The following DCC variants were observed in gnomAD, a reference collection of about 807,000 sequenced individuals.
DCC encodes netrin receptor DCC.
A neutral mutation model predicts 172.5 loss-of-function variants in DCC; 58 were observed. The ratio of observed to expected loss-of-function variants is 0.34; its 90% confidence interval spans 0.27 to 0.42. The LOEUF is 0.42. Among genes scored for constraint, DCC ranks in the 10% least tolerant of loss-of-function variants. The pLI is 1.00. For missense variants in DCC, 1,740 were observed against 1,791.0 expected (o/e 0.97, Z 0.51); for synonymous variants, 709 against 644.5 (o/e 1.10, Z -1.52).
rs546743058 is a variant in DCC, at chr18:53,385,778, C to A, written c.2360-265C>A. Among the ~76,000 whole-genome samples, 30 of 152,270 alleles carry A rather than the reference C, an allele frequency of 2.0e-4. No homozygotes were observed. The East Asian group carries it at 5.8e-3, about 29-fold the overall frequency. Reference sequence around the variant, plus strand: ...TATATTAGGGTTCGAGGGCACACATCATCACATAGGTTTGCAGCAAGCAGA... The same window carrying A: ...TATATTAGGGTTCGAGGGCACACATAATCACATAGGTTTGCAGCAAGCAGA... On this transcript the variant is annotated intron_variant, in intron 15 of 28. Transcript: ENST00000442544.
chr18:52,953,017 A>AC (rs1477173185), intron 5 of DCC, among the ~76,000 whole-genome samples: 3 of 150,918 alleles, frequency 2.0e-5, no homozygotes, highest in East Asian at 1.9e-4. Flanking sequence ...AAAAAAAAAA[A>AC]AAAAAAAAAA....
chr18:53,095,611 C>G (rs981365246), intron 7 of DCC, among the ~76,000 whole-genome samples: 42 of 152,108 alleles, frequency 2.8e-4, no homozygotes, highest in African/African-American at 1.0e-3. Context: ...AACTCCTGCT[C>G]CTCCTCCTAT....
intron 1 of DCC, among the ~76,000 whole-genome samples, chr18:52,580,213 C>T (rs1206584715): frequency 1.3e-5 from 2 of 152,128 alleles, no homozygotes; most frequent in South Asian, 2.1e-4. Context: ...TCAAGGATGA[C>T]CTTAAGGCCC....
At chr18:52,874,253 T>C (rs1048640007) in intron 2 of DCC, among the ~76,000 whole-genome samples, 7 of 152,186 alleles carry the variant, frequency 4.6e-5, no homozygotes, top group Non-Finnish European at 8.8e-5. Flanking sequence ...TATAAGCCAA[T>C]TACTTTTAAT....
Position 52,457,927 on chromosome 18 carries a change from A to G in DCC, c.91+117049A>G, listed in dbSNP as rs12232681. ...AGCAAGCAAGCAAACAAACAAACAAACAAACAAACAACAAACAGAAAGAAC... is the reference window on the plus strand; with the variant it reads ...AGCAAGCAAGCAAACAAACAAACAAGCAAACAAACAACAAACAGAAAGAAC... On this transcript the variant is annotated intron_variant, in intron 1 of 28. Coordinates refer to ENST00000442544, the MANE Select transcript of DCC (RefSeq NM_005215.4). Among the ~76,000 whole-genome samples the G allele has an allele frequency of 6.8e-4, 103 of 152,164 alleles. No homozygotes were observed. In the East Asian group the frequency reaches 0.019, roughly 27 times the overall value.
chr18:52,517,888 G>T (rs748617112), intron 1 of DCC, among the ~76,000 whole-genome samples: 5 of 152,120 alleles, frequency 3.3e-5, no homozygotes, highest in Non-Finnish European at 5.9e-5. Flanking sequence ...CATTGATTAT[G>T]CTTGTAGTTC....
chr18:53,277,791 T>C (rs895868043), intron 12 of DCC, among the ~76,000 whole-genome samples: 2 of 152,142 alleles, frequency 1.3e-5, no homozygotes, highest in African/African-American at 4.8e-5. Flanking sequence ...TACAGCCAGG[T>C]GAAACTCTGG....
intron 16 of DCC, among the ~76,000 whole-genome samples, chr18:53,386,627 A>G (rs1266180434): frequency 3.9e-5 from 6 of 152,120 alleles, no homozygotes; most frequent in Admixed American, 6.6e-5. Flanking sequence ...TGAGTGACAT[A>G]TGTGGTATCT....
chr18:52,714,409 G>C (rs1232377229), intron 1 of DCC, among the ~76,000 whole-genome samples: 3 of 152,180 alleles, frequency 2.0e-5, no homozygotes, highest in Non-Finnish European at 4.4e-5. Flanking sequence ...AAAGAATGAA[G>C]CAATTTATTT....
At chr18:53,020,084 C>T (rs774692920) in intron 5 of DCC, among the ~76,000 whole-genome samples, 7 of 152,116 alleles carry the variant, frequency 4.6e-5, no homozygotes, top group Non-Finnish European at 8.8e-5. Flanking sequence ...TTCAAAACTA[C>T]ATCTACAACC....
chr18:52,883,627 TTTG>T (rs2039527029), intron 2 of DCC, among the ~76,000 whole-genome samples: 1 of 152,038 alleles, frequency 6.6e-6, no homozygotes, highest in Admixed American at 6.6e-5. Context: ...TTTTTAATTT[TTTG>T]TTGTTTCTCT....
At chr18:53,190,358 C>T (rs2055347682) in intron 9 of DCC, among the ~76,000 whole-genome samples, 1 of 152,068 alleles carries the variant, frequency 6.6e-6, no homozygotes. Context: ...TGGCCCAACC[C>T]AACTCCTACA....
At chr18:52,866,678 C>A (rs955658988) in intron 2 of DCC, among the ~76,000 whole-genome samples, 3 of 152,072 alleles carry the variant, frequency 2.0e-5, no homozygotes, top group Admixed American at 2.0e-4. Context: ...CATGATTTGG[C>A]TCTTTGTCTA....
At chr18:53,260,887 C>T (rs2056589156) in intron 12 of DCC, among the ~76,000 whole-genome samples, 1 of 152,156 alleles carries the variant, frequency 6.6e-6, no homozygotes, top group Non-Finnish European at 1.5e-5. Context: ...TTTACCTACT[C>T]AAGCCTCAGC....
chr18:53,190,881 G>A (rs9944782), intron 9 of DCC, among the ~76,000 whole-genome samples: 6,659 of 152,234 alleles, frequency 0.044, 175 homozygotes, highest in East Asian at 0.11. Context: ...GGGAGGCGGA[G>A]CTTGCAGTGA....
intron 5 of DCC, among the ~76,000 whole-genome samples, chr18:52,977,821 C>A (rs1236625482): frequency 6.6e-6 from 1 of 150,534 alleles, no homozygotes; most frequent in African/African-American, 2.4e-5. Context: ...GGAGGCAGAG[C>A]TTGCAGTGAG....
chr18:53,090,482 A>G (rs981048483), intron 7 of DCC, among the ~76,000 whole-genome samples: 21 of 151,812 alleles, frequency 1.4e-4, no homozygotes, highest in African/African-American at 4.8e-4. Context: ...TCACGAGGTC[A>G]GGAGATTGAG....
At chr18:52,365,960 T>TGATC (rs1417504741) in intron 1 of DCC, among the ~76,000 whole-genome samples, 1 of 152,202 alleles carries the variant, frequency 6.6e-6, no homozygotes, top group African/African-American at 2.4e-5. Flanking sequence ...TCTTACCGCT[T>TGATC]GATCACACAC....
At chr18:52,660,990 A>C (rs1158048889) in intron 1 of DCC, among the ~76,000 whole-genome samples, 1 of 152,188 alleles carries the variant, frequency 6.6e-6, no homozygotes, top group African/African-American at 2.4e-5. Context: ...TATACCCTCG[A>C]TGCCAACAAG....
Sources: gnomAD v4.1 joint callset for allele counts (sites outside exome capture counted in the v4.1 genomes callset) on GRCh38, gnomAD v4.1.1 for gene constraint, MANE v1.5 for transcripts, NCBI Gene and HGNC (gene_info 2026-07-23, HGNC 2026-07-21) for gene names.